SLC4A4: variants seen among roughly 807,000 people sequenced by gnomAD.
SLC4A4 encodes electrogenic sodium bicarbonate cotransporter 1.
Under a neutral mutation model 111.5 loss-of-function variants are expected in SLC4A4, and 27 were observed. The ratio of observed to expected loss-of-function variants is 0.24; its 90% CI spans 0.18 to 0.33. SLC4A4 has a LOEUF of 0.33. SLC4A4 is among the 10% of genes least tolerant of loss of function. The probability of loss-of-function intolerance (pLI) is 1.00; values close to 1 mark genes in which losing one functional copy is unlikely to be tolerated. For synonymous variants in SLC4A4, 443 were observed against 463.4 expected (o/e 0.96, Z 0.57); for missense variants, 909 against 1,315.5 (o/e 0.69, Z 4.78).
At chr4:71,202,467 C>G (rs1746301648) in intron 1 of SLC4A4, among the ~76,000 whole-genome samples, 1 of 152,156 alleles carries the variant, frequency 6.6e-6, no homozygotes, top group African/African-American at 2.4e-5. Flanking sequence ...TATCTAATTG[C>G]ACCGTTAACA....
At chr4:71,448,826 C>T (rs1725498550) in intron 9 of SLC4A4, among the ~76,000 whole-genome samples, 1 of 152,026 alleles carries the variant, frequency 6.6e-6, no homozygotes, top group Admixed American at 6.6e-5. Flanking sequence ...GTACCTTTCT[C>T]CTTAGTTATA....
chr4:71,240,248 A>G (rs528294706), intron 2 of SLC4A4, among the ~76,000 whole-genome samples: 11 of 152,322 alleles, frequency 7.2e-5, no homozygotes, highest in Admixed American at 4.6e-4. Context: ...ATTACTTAAT[A>G]GTCTCATATT....
chr4:71,487,155 G>C (rs1167806344), intron 15 of SLC4A4, 137 bp downstream of exon 15: 4 of 539,726 alleles, frequency 7.4e-6, no homozygotes, highest in Non-Finnish European at 1.3e-5. Flanking sequence ...ATTGACAGTG[G>C]AGGGACGGGA....
chr4:71,107,739 A>G (rs1742981352), intron 2 of SLC4A4, among the ~76,000 whole-genome samples: 1 of 150,268 alleles, frequency 6.7e-6, no homozygotes, highest in African/African-American at 2.5e-5. Flanking sequence ...ACAGAGTCTC[A>G]CCTTAATGCT....
chr4:71,226,749 A>C (rs1194444960), intron 1 of SLC4A4, among the ~76,000 whole-genome samples: 1 of 152,074 alleles, frequency 6.6e-6, no homozygotes, highest in Non-Finnish European at 1.5e-5. Context: ...CAGGGCCTTT[A>C]GACTTACAGA....
intron 13 of SLC4A4, among the ~76,000 whole-genome samples, chr4:71,466,838 T>C (rs1727369292): frequency 6.6e-6 from 1 of 151,930 alleles, no homozygotes; most frequent in South Asian, 2.1e-4. Context: ...CCCTGTGCTC[T>C]AGGGGCTGAT....
At chr4:71,259,420 G>A (rs766704844) in intron 3 of SLC4A4, among the ~76,000 whole-genome samples, 3 of 152,000 alleles carry the variant, frequency 2.0e-5, no homozygotes, top group Non-Finnish European at 4.4e-5. Flanking sequence ...CCAGTGTGGC[G>A]TCAGAGCTGG....
chr4:71,131,515 A>G (rs1299311622), intron 2 of SLC4A4, among the ~76,000 whole-genome samples: 1 of 152,228 alleles, frequency 6.6e-6, no homozygotes, highest in Non-Finnish European at 1.5e-5. Context: ...GCTGCCAATC[A>G]GGGTAAAAAG....
At chr4:71,534,132 C>T (rs1734187319) in intron 17 of SLC4A4, 95 bp from the exon 18 acceptor site, 1 of 1,004,416 alleles carries the variant, frequency 1.0e-6, no homozygotes, top group Non-Finnish European at 1.6e-6. Flanking sequence ...TGTTGGTTAT[C>T]CAAATATAAA....
At chr4:71,370,894 A>G (rs570814167) in intron 6 of SLC4A4, among the ~76,000 whole-genome samples, 33 of 152,148 alleles carry the variant, frequency 2.2e-4, no homozygotes, top group Non-Finnish European at 4.1e-4. Flanking sequence ...TTGAGACCAA[A>G]CCCTGGACCA....
Position 71,179,243 on chromosome 4 carries a change from A to G in SLC4A4, c.-1-57333A>G, listed in dbSNP as rs574389044. Among the ~76,000 whole-genome samples, 13 of 152,286 alleles carry G rather than the reference A, an allele frequency of 8.5e-5. No homozygotes were observed. The East Asian group carries it at 2.1e-3, about 25-fold the overall frequency. ...GCTATCTATGACAAACCCACAGCCA[A>G]TATCATACTGAATGGGCAAAAACTG... On this transcript the variant is annotated intron_variant, in intron 2 of 26. Transcript: ENST00000649996.
intron 8 of SLC4A4, among the ~76,000 whole-genome samples, chr4:71,441,485 A>G (rs1724703693): frequency 6.6e-6 from 1 of 152,088 alleles, no homozygotes; most frequent in African/African-American, 2.4e-5. Context: ...AGGTTGACAG[A>G]AAATTAAAAT....
At chr4:71,223,993 C>T (rs1718907864) in intron 1 of SLC4A4, among the ~76,000 whole-genome samples, 1 of 152,118 alleles carries the variant, frequency 6.6e-6, no homozygotes, top group Non-Finnish European at 1.5e-5. Flanking sequence ...TCCTCACTGC[C>T]CCATTTTTAC....
At chr4:71,261,906 T>C (rs1258470443) in intron 3 of SLC4A4, among the ~76,000 whole-genome samples, 8 of 152,076 alleles carry the variant, frequency 5.3e-5, no homozygotes, top group Admixed American at 5.2e-4. Flanking sequence ...CGTGCTGGGG[T>C]GCTCAGGGCT....
intron 4 of SLC4A4, among the ~76,000 whole-genome samples, chr4:71,348,339 AC>A (rs1729512277): frequency 2.0e-5 from 3 of 151,760 alleles, no homozygotes; most frequent in Non-Finnish European, 4.4e-5. Flanking sequence ...ACACACACAC[AC>A]ACACACACAC....
At chr4:71,393,700 T>G (rs1029447607) in intron 6 of SLC4A4, among the ~76,000 whole-genome samples, 4 of 152,072 alleles carry the variant, frequency 2.6e-5, no homozygotes, top group Non-Finnish European at 5.9e-5. Flanking sequence ...AAAGCCTGCA[T>G]AGCCAAAGCA....
At chr4:71,448,513 T>C (rs1289434267) in intron 9 of SLC4A4, among the ~76,000 whole-genome samples, 1 of 152,194 alleles carries the variant, frequency 6.6e-6, no homozygotes, top group Admixed American at 6.5e-5. Flanking sequence ...ACATGTTTTA[T>C]GGTTTTCTTA....
At chr4:71,433,148 C>T (rs571069969) in intron 7 of SLC4A4, among the ~76,000 whole-genome samples, 63 of 152,056 alleles carry the variant, frequency 4.1e-4, no homozygotes, top group African/African-American at 1.5e-3. Context: ...GCCTTCTTTT[C>T]TCAAAACCTC....
intron 5 of SLC4A4, among the ~76,000 whole-genome samples, chr4:71,350,742 C>T (rs960775843): frequency 1.3e-5 from 2 of 152,084 alleles, no homozygotes; most frequent in Non-Finnish European, 2.9e-5. Context: ...CTTTTGTCTA[C>T]AGATATACAA....
Sources: allele counts gnomAD v4.1 joint callset (sites outside exome capture counted in the v4.1 genomes callset), GRCh38; gene constraint gnomAD v4.1.1; transcripts MANE v1.5; gene names NCBI Gene and HGNC (gene_info 2026-07-23, HGNC 2026-07-21).